Variants in TCP11 observed in about 807,000 individuals in gnomAD.
TCP11 encodes the protein T-complex protein 11 homolog.
Under a neutral mutation model 45.0 loss-of-function variants are expected in TCP11, and 34 were observed. The observed-to-expected ratio is 0.76, with a 90% CI of 0.57 to 1.01. The LOEUF (loss-of-function observed/expected upper bound fraction) is 1.01. TCP11 is among the 50% of genes least tolerant of loss of function. The pLI is 0.00. For missense variants in TCP11, 523 were observed against 598.1 expected, an observed-to-expected ratio of 0.87 and a Z score of 1.31; for synonymous variants, 227 against 227.0, an observed-to-expected ratio of 1.00 and a Z score of 0.00.
intron 2 of TCP11, chr6:35,140,254 T>TATTAATACAGATTAAGAGAAATACAG: frequency 6.8e-7 from 1 of 1,481,266 alleles, no homozygotes; most frequent in Non-Finnish European, 9.0e-7. Context: ...ACAGCATGAG[T>TATTAATACAGATTAAGAGAAATACAG]CCCAGTGAGA....
At chr6:35,123,489 A>AT (rs1170777933) in intron 4 of TCP11, among the ~76,000 whole-genome samples, 3 of 151,432 alleles carry the variant, frequency 2.0e-5, no homozygotes, top group Non-Finnish European at 4.4e-5. Context: ...CTTTTATAAT[A>AT]TTTTTTTTCT....
chr6:35,124,994 C>A (rs1363117734), intron 4 of TCP11, among the ~76,000 whole-genome samples: 1 of 151,384 alleles, frequency 6.6e-6, no homozygotes, highest in Non-Finnish European at 1.5e-5. Context: ...CCAGCCTGAG[C>A]AAAATGGTGA....
At chr6:35,118,771 A>C (rs41270052) in intron 9 of TCP11, among the ~76,000 whole-genome samples, 1 of 152,266 alleles carries the variant, frequency 6.6e-6, no homozygotes, top group Non-Finnish European at 1.5e-5. Flanking sequence ...AGTGTTTGAC[A>C]TAACAGGAGG....
rs780448674 is a variant in TCP11, at chr6:35,120,586, G to A, written c.776C>T (p.Pro259Leu). Residue 259 changes from proline to leucine, a missense_variant, in exon 7 of 10, where the codon CCT becomes CTT. Physicochemically the swap from Pro to Leu is moderately conservative, Grantham distance 98. Around this residue, in one of 2 missense-constraint regions of TCP11, gnomAD observed 298 missense variants for 387.9 expected, o/e 0.77. Transcript: ENST00000311875. This position sits in a 1 kb window ranked among gnomAD's most constrained non-coding sequence, Gnocchi z 4.9. ...GTCAGAAGTGTCTGGGCAAGTCGGA[G>A]GTGACATGGTGAGGTCTCCTGCTGC... The part of the protein sequence containing the change: ...TQAAGDLTMS[P>L]PTCPDTSDSS... 1.8e-5 allele frequency: 29 copies of A among 1,613,714 alleles called. No homozygotes were observed. The East Asian group carries it at 4.7e-4, about 26-fold the overall frequency.
Position 35,120,084 on chromosome 6 carries a change from C to T in TCP11, c.1115+75G>A. The T allele has an allele frequency of 6.5e-7, 1 of 1,531,562 alleles. No individual in the cohort carries two copies. Among genetic ancestry groups the T allele is most frequent in the Non-Finnish European group, 8.8e-7 (1 of 1,131,764 alleles). 94.9% of individuals were successfully genotyped at this position (1,531,562 alleles called of 1,614,324 possible). ...TCTGTGGTTTGTGGTAGACAGTAAG[C>T]AATCGTTCATTACCTGCCTATGTTC... On this transcript the variant is annotated intron_variant, in intron 8 of 9. Transcript: ENST00000311875. This position sits in a 1 kb window ranked among gnomAD's most constrained non-coding sequence, Gnocchi z 4.9.
intron 3 of TCP11, among the ~76,000 whole-genome samples, chr6:35,132,192 A>G (rs983972809): frequency 5.9e-5 from 9 of 152,208 alleles, no homozygotes; most frequent in African/African-American, 1.9e-4. Context: ...GCTTGTAAAG[A>G]ACATACCATG....
chr6:35,122,982 C>T (rs930719011), intron 4 of TCP11, among the ~76,000 whole-genome samples: 1 of 152,210 alleles, frequency 6.6e-6, no homozygotes, highest in Admixed American at 6.5e-5. Context: ...CTGCCAGTTA[C>T]CAATTTGGAG....
intron 3 of TCP11, among the ~76,000 whole-genome samples, chr6:35,133,047 C>T (rs1254377865): frequency 6.6e-6 from 1 of 152,190 alleles, no homozygotes; most frequent in African/African-American, 2.4e-5. Flanking sequence ...CCCACAATGG[C>T]CCTCTGACAA....
chr6:35,134,273 CTTTTTT>C (rs34368428), intron 3 of TCP11, among the ~76,000 whole-genome samples: 2 of 105,106 alleles, frequency 1.9e-5, no homozygotes, highest in Non-Finnish European at 3.7e-5. Flanking sequence ...CACCCATAAG[CTTTTTT>C]TTTTTTTTTT....
chr6:35,131,429 G>A (rs1366133363), intron 3 of TCP11, among the ~76,000 whole-genome samples: 1 of 151,844 alleles, frequency 6.6e-6, no homozygotes, highest in Non-Finnish European at 1.5e-5. Flanking sequence ...TTAGCAGGGT[G>A]TGGTGGCACA....
chr6:35,130,635 T>A (rs944085679), intron 3 of TCP11, among the ~76,000 whole-genome samples: 12 of 151,640 alleles, frequency 7.9e-5, no homozygotes, highest in African/African-American at 2.9e-4. Context: ...GAGTTGCAAA[T>A]TAAAACAACA....
At chr6:35,136,382 A>T (rs1185364520) in intron 2 of TCP11, among the ~76,000 whole-genome samples, 164 bp from the exon 3 acceptor site, 1 of 151,746 alleles carries the variant, frequency 6.6e-6, no homozygotes, top group South Asian at 2.1e-4. Context: ...GCCCCACGAC[A>T]GTGCTAGAAA....
chr6:35,135,621 A>T (rs1474521138), intron 3 of TCP11, among the ~76,000 whole-genome samples: 1 of 17,026 alleles, frequency 5.9e-5, no homozygotes, highest in Non-Finnish European at 1.3e-4. Context: ...CCCCATCTCT[A>T]AAAAAAAAAA....
At chr6:35,124,786 A>G (rs1331200029) in intron 4 of TCP11, among the ~76,000 whole-genome samples, 1 of 152,174 alleles carries the variant, frequency 6.6e-6, no homozygotes, top group Non-Finnish European at 1.5e-5. Flanking sequence ...GGATATTCAC[A>G]TGCAAAAGAA....
chr6:35,141,303 G>A lies in TCP11; in HGVS notation c.-113C>T. On this transcript the variant is annotated 5_prime_UTR_variant, in exon 1 of 10. Coordinates refer to ENST00000311875, the MANE Select transcript of TCP11 (RefSeq NM_001370687.1). ...ACCACCGCGGCGGAGCGGCGGGTTG[G>A]GGCGTCGCACGGTGAGAAAGGCCGG... 1 of 1,285,484 alleles carries A rather than the reference G, an allele frequency of 7.8e-7. No homozygotes were observed. The highest frequency in any genetic ancestry group is 9.9e-7 in the Non-Finnish European group (1 of 1,015,118). 79.6% of individuals were successfully genotyped at this position (1,285,484 alleles called of 1,614,324 possible).
Position 35,120,183 on chromosome 6 carries a change from G to T in TCP11, c.1091C>A (p.Ser364Tyr), listed in dbSNP as rs756781573. ...FVDKLKRITK[S>Y]LLEDFHSRPE... ...CCTGGAGTGAAAGTCTTCCAACAAGGATTTGGTTATGCGTTTCAGTTTATC... is the reference window on the plus strand; with the variant it reads ...CCTGGAGTGAAAGTCTTCCAACAAGTATTTGGTTATGCGTTTCAGTTTATC... Residue 364 changes from serine to tyrosine, a missense_variant, in exon 8 of 10, where the codon TCC becomes TAC. By Grantham distance (144) the Ser-to-Tyr change is moderately radical. Coordinates refer to ENST00000311875, the MANE Select transcript of TCP11 (RefSeq NM_001370687.1). This position sits in a 1 kb window ranked among gnomAD's most constrained non-coding sequence, Gnocchi z 4.9. 6.2e-7 allele frequency: 1 copy of T among 1,614,134 alleles called. No homozygotes were observed. Among genetic ancestry groups the T allele is most frequent in the Admixed American group, 1.7e-5 (1 of 60,012 alleles).
Position 35,136,201 on chromosome 6 carries a change from G to C in TCP11, c.142C>G (p.Leu48Val). The C allele has an allele frequency of 1.9e-6, 3 of 1,612,658 alleles. No homozygotes were observed. Among genetic ancestry groups the C allele is most frequent in the Non-Finnish European group, 2.5e-6 (3 of 1,179,334 alleles). ...GAAACTTCATTAACGGTTTCTGTCA[G>C]ACCTGTGACAGAAAGAACTGATGGT... The part of the protein sequence containing the change: ...DPPPFLSVTG[L>V]TETVNEVSKL... The change falls in exon 3 of 10, where the codon CTG becomes GTG. Residue 48 changes from leucine (L) to valine (V), a missense_variant. Physicochemically the swap from Leu to Val is conservative, Grantham distance 32. Transcript: ENST00000311875.
At chr6:35,137,955 A>T in intron 2 of TCP11, 1 of 372,412 alleles carries the variant, frequency 2.7e-6, no homozygotes, top group Non-Finnish European at 5.3e-6. Flanking sequence ...AAGGAAAAAT[A>T]AGGTTACTGT....
At chr6:35,141,125 A>G in intron 1 of TCP11, 80 bp downstream of exon 1, 1 of 1,312,550 alleles carries the variant, frequency 7.6e-7, no homozygotes, top group Non-Finnish European at 9.7e-7. Flanking sequence ...GAAGCGTGGG[A>G]AGGCCCCTTC....
Sources: allele counts gnomAD v4.1 joint callset (sites outside exome capture counted in the v4.1 genomes callset), GRCh38; gene constraint gnomAD v4.1.1; regional missense constraint gnomAD v4.1.1; non-coding constraint Gnocchi (gnomAD v3.1); transcripts MANE v1.5; gene names NCBI Gene and HGNC (gene_info 2026-07-23, HGNC 2026-07-21).